Variants in TTLL2 observed in about 807,000 individuals in gnomAD.
The protein encoded by TTLL2 is tubulin tyrosine ligase like 2, also known as probable tubulin polyglutamylase TTLL2.
In TTLL2, 10 loss-of-function variants were observed where a neutral mutation model predicts 7.5. The ratio of observed to expected loss-of-function variants is 1.33; its 90% CI spans 0.82 to 2.25. The LOEUF (loss-of-function observed/expected upper bound fraction) is 2.25, where lower values mean the gene tolerates loss of function less well. Among genes scored for constraint, TTLL2 ranks in the 30% most tolerant of loss-of-function variants. TTLL2 has a pLI of 0.00. For missense variants in TTLL2, 733 were observed against 735.7 expected (o/e 1.00, Z 0.04); for synonymous variants, 284 against 280.3 (o/e 1.01, Z -0.13).
intron 1 of TTLL2, among the ~76,000 whole-genome samples, chr6:167,330,986 C>T (rs1042064044): frequency 1.3e-5 from 2 of 152,208 alleles, no homozygotes; most frequent in African/African-American, 4.8e-5. Context: ...GACCCAGTCG[C>T]TCCCCGGGTG....
chr6:167,336,743 CTTGT>C (rs1424217522), intron 1 of TTLL2, among the ~76,000 whole-genome samples: 1 of 152,196 alleles, frequency 6.6e-6, no homozygotes, highest in Non-Finnish European at 1.5e-5. Context: ...AGCTTGTGGT[CTTGT>C]TTGTTCCAAA....
rs1779102740 is a variant in TTLL2 at position 167,341,883 on chromosome 6, T to C, written c.*204T>C. On this transcript the variant is annotated 3_prime_UTR_variant, in exon 3 of 3. Transcript: ENST00000239587. Reference sequence around the variant, plus strand: ...CAAGTGGTGATTAAACTACATTACATCCCATGTTTATTTGCTCAGGTGTCT... The same window carrying C: ...CAAGTGGTGATTAAACTACATTACACCCCATGTTTATTTGCTCAGGTGTCT... The C allele has an allele frequency of 1.7e-6, 1 of 576,760 alleles. No individual in the cohort carries two copies. Among genetic ancestry groups the C allele is most frequent in the Non-Finnish European group, 2.9e-6 (1 of 340,538 alleles). The allele number at this position is 576,760 out of a possible 1,614,324, so 35.7% of individuals were successfully genotyped here.
At chr6:167,339,252 C>G (rs1779037373) in intron 2 of TTLL2, among the ~76,000 whole-genome samples, 7 of 152,066 alleles carry the variant, frequency 4.6e-5, no homozygotes, top group Admixed American at 4.6e-4. Context: ...TTTTGATGAG[C>G]ACGTTGTCTC....
Position 167,325,123 on chromosome 6 carries a change from T to A in TTLL2, c.-51T>A. On this transcript the variant is annotated 5_prime_UTR_variant, in exon 1 of 3. Transcript: ENST00000239587. Reference sequence around the variant, plus strand: ...AGCCTCCGCGCATTTCAGCTGGCGCTGCAGCTGCTGCACAGAGACCCACAG... The same window carrying A: ...AGCCTCCGCGCATTTCAGCTGGCGCAGCAGCTGCTGCACAGAGACCCACAG... 1 of 1,550,020 alleles carries A rather than the reference T, an allele frequency of 6.5e-7. No individual in the cohort carries two copies. The highest frequency in any genetic ancestry group is 8.7e-7 in the Non-Finnish European group (1 of 1,146,998).
rs933353997 is a variant in TTLL2 at position 167,342,406 on chromosome 6, A to T, written c.*727A>T. On this transcript the variant is annotated 3_prime_UTR_variant, in exon 3 of 3. Coordinates refer to ENST00000239587, the MANE Select transcript of TTLL2 (RefSeq NM_031949.5). Reference sequence around the variant, plus strand: ...AAATTCCAGTAGGTTACTTGAAAACATTATTCTAGTGAAAGTAGTCAGATA... The same window carrying T: ...AAATTCCAGTAGGTTACTTGAAAACTTTATTCTAGTGAAAGTAGTCAGATA... Among the ~76,000 whole-genome samples, 1 of 152,206 alleles carries T rather than the reference A, an allele frequency of 6.6e-6. No homozygotes were observed. The highest frequency in any genetic ancestry group is 1.5e-5 in the Non-Finnish European group (1 of 68,034).
chr6:167,336,698 G>C (rs1344794064), intron 1 of TTLL2, among the ~76,000 whole-genome samples: 1 of 152,030 alleles, frequency 6.6e-6, no homozygotes, highest in Non-Finnish European at 1.5e-5. Flanking sequence ...CGGGGGCTCG[G>C]CCTCACCCGT....
In TTLL2 at chr6:167,340,163, T is replaced by A. The variant is rs1779053858; in HGVS notation, c.263T>A (p.Val88Asp). Residue 88 changes from valine (V) to aspartate (D), a missense_variant, in exon 3 of 3, where the codon GTT becomes GAT. Transcript: ENST00000239587. ...TCAGGGGCCCTCTTGAAGCCGCTGG[T>A]TTTTCGCGTTGACGAGACCACCCCG... Reference protein sequence around the residue: ...EPSGALLKPLVFRVDETTPAV... With the variant: ...EPSGALLKPLDFRVDETTPAV... The A allele has an allele frequency of 1.2e-6, 2 of 1,607,954 alleles. No homozygotes were observed. The highest frequency in any genetic ancestry group is 4.5e-5 in the East Asian group (2 of 44,848).
Position 167,340,969 on chromosome 6 carries a change from G to GCACCACCATTC in TTLL2, c.1074_1075insCCATTCCACCA (p.Ser359ProfsTer21), listed in dbSNP as rs776327034. 13 of 1,613,944 alleles carry GCACCACCATTC rather than the reference G, an allele frequency of 8.1e-6. No homozygotes were observed. In the Admixed American group the frequency reaches 1.2e-4, roughly 14 times the overall value. Reference sequence around the variant, plus strand: ...GGTTATTCTCACCATTCTCGCCATTGCACCATCTGTCCCCTTTGCTGCCAA... The same window carrying GCACCACCATTC: ...GGTTATTCTCACCATTCTCGCCATTGCACCACCATTCCACCATCTGTCCCCTTTGCTGCCAA... On this transcript the variant is annotated frameshift_variant, in exon 3 of 3. Transcript: ENST00000239587. LOFTEE classifies it low-confidence loss of function (END_TRUNC).
intron 1 of TTLL2, among the ~76,000 whole-genome samples, chr6:167,329,818 C>T (rs762573041): frequency 3.3e-5 from 5 of 152,158 alleles, no homozygotes; most frequent in Non-Finnish European, 5.9e-5. Context: ...TGCTAGCAGT[C>T]GTTCTTGTCT....
chr6:167,325,943 C>G (rs773359092), intron 1 of TTLL2, among the ~76,000 whole-genome samples: 1 of 152,132 alleles, frequency 6.6e-6, no homozygotes, highest in Non-Finnish European at 1.5e-5. Context: ...TGTGACAGGC[C>G]GAACAGCGGC....
chr6:167,335,583 A>C (rs1778974237), intron 1 of TTLL2, among the ~76,000 whole-genome samples: 2 of 149,534 alleles, frequency 1.3e-5, no homozygotes, highest in Non-Finnish European at 3.0e-5. Context: ...AATGTCCAAC[A>C]ATGATAGACT....
rs1167312021 is a variant in TTLL2, at chr6:167,325,099, G to C, written c.-75G>C. ...TCATCAGCAACCAGTGCTCCCTCCA[G>C]CCTCCGCGCATTTCAGCTGGCGCTG... is the stretch of plus-strand genomic sequence containing the variant. On this transcript the variant is annotated 5_prime_UTR_variant, in exon 1 of 3. Transcript: ENST00000239587. The C allele has an allele frequency of 6.7e-7, 1 of 1,493,534 alleles. No homozygotes were observed. The highest frequency in any genetic ancestry group is 1.4e-5 in the African/African-American group (1 of 71,796). The allele number at this position is 1,493,534 out of a possible 1,614,324, so 92.5% of individuals were successfully genotyped here.
chr6:167,325,200 C>T lies in TTLL2; in HGVS notation c.27C>T (p.Ser9=), dbSNP rs755035374. 31 of 1,576,332 alleles carry T rather than the reference C, an allele frequency of 2.0e-5. No individual in the cohort carries two copies. The highest frequency in any genetic ancestry group is 2.7e-5 in the Non-Finnish European group (31 of 1,161,822). MRGRDLCS[S]TQSQALGSLR... The stretch of plus-strand genomic sequence containing the variant: ...TGAGAGGGCGGGACCTGTGTTCCTC[C>T]ACACAAAGCCAGGCGCTGGGGTAAG... The change falls in exon 1 of 3, where the codon TCC becomes TCT. Residue 9 remains serine, a synonymous_variant. Coordinates refer to ENST00000239587, the MANE Select transcript of TTLL2 (RefSeq NM_031949.5).
chr6:167,325,343 A>C, intron 1 of TTLL2, 123 bp downstream of exon 1: 1 of 975,426 alleles, frequency 1.0e-6, no homozygotes. Context: ...GTGCACTGGG[A>C]CCCCCGAGGG....
chr6:167,337,176 G>A (rs1468557851), intron 1 of TTLL2, among the ~76,000 whole-genome samples: 2 of 152,258 alleles, frequency 1.3e-5, no homozygotes, highest in Non-Finnish European at 2.9e-5. Context: ...CAAGACATCT[G>A]TGGTAGTTCC....
At chr6:167,337,283 A>G (rs1482169776) in intron 1 of TTLL2, among the ~76,000 whole-genome samples, 1 of 152,178 alleles carries the variant, frequency 6.6e-6, no homozygotes, top group African/African-American at 2.4e-5. Context: ...GGGGTCCCCA[A>G]CCCGGCATGG....
chr6:167,330,241 C>T (rs9347206), intron 1 of TTLL2, among the ~76,000 whole-genome samples: 124,204 of 152,194 alleles, frequency 0.82, 50,898 homozygotes, highest in East Asian at 1. Context: ...GTACTCAGTA[C>T]AGTTTTTCAA....
chr6:167,335,624 T>C lies in TTLL2; in HGVS notation c.48-3023T>C, dbSNP rs1179252741. Among the ~76,000 whole-genome samples the C allele has an allele frequency of 6.6e-5, 10 of 151,216 alleles. No individual in the cohort carries two copies. The East Asian group carries it at 1.7e-3, about 26-fold the overall frequency. ...AAGAAAATGTGGCATATATACACCATGGAATACTATGCAGCCATAAAAAAT... is the reference window on the plus strand; with the variant it reads ...AAGAAAATGTGGCATATATACACCACGGAATACTATGCAGCCATAAAAAAT... On this transcript the variant is annotated intron_variant, in intron 1 of 2. Coordinates refer to ENST00000239587, the MANE Select transcript of TTLL2 (RefSeq NM_031949.5).
Position 167,341,851 on chromosome 6 carries a change from A to G in TTLL2, c.*172A>G. On this transcript the variant is annotated 3_prime_UTR_variant, in exon 3 of 3. Coordinates refer to ENST00000239587, the MANE Select transcript of TTLL2 (RefSeq NM_031949.5). ...AATATAACAGCTCTGACAAAGCACA[A>G]TATGTTCAAGTGGTGATTAAACTAC... 2.9e-6 allele frequency: 2 copies of G among 701,260 alleles called. No individual in the cohort carries two copies. The highest frequency in any genetic ancestry group is 4.6e-6 in the Non-Finnish European group (2 of 436,144). 43.4% of individuals were successfully genotyped at this position (701,260 alleles called of 1,614,324 possible).
Sources: gnomAD v4.1 joint callset for allele counts (sites outside exome capture counted in the v4.1 genomes callset) on GRCh38, gnomAD v4.1.1 for gene constraint, MANE v1.5 for transcripts, NCBI Gene and HGNC (gene_info 2026-07-23, HGNC 2026-07-21) for gene names.